The following KIAA2012 variants were observed in gnomAD, a reference collection of about 807,000 sequenced individuals.
KIAA2012 encodes KIAA2012.
KIAA2012 carries 125 observed loss-of-function variants against 150.6 expected under a neutral mutation model. The ratio of observed to expected loss-of-function variants is 0.83; its 90% CI spans 0.72 to 0.96. KIAA2012 has a LOEUF of 0.96. KIAA2012 is among the 40% of genes least tolerant of loss of function. KIAA2012 has a pLI of 0.00. For synonymous variants in KIAA2012, 462 were observed against 504.7 expected (o/e 0.92, Z 1.13); for missense variants, 1,219 against 1,354.9 (o/e 0.90, Z 1.57).
At chr2:202,102,275 T>C (rs1690063844) in intron 7 of KIAA2012, among the ~76,000 whole-genome samples, 2 of 152,214 alleles carry the variant, frequency 1.3e-5, no homozygotes, top group Admixed American at 1.3e-4. Flanking sequence ...TTTTCAGCTA[T>C]GTTCATATTA....
rs1478307074 is a variant in KIAA2012, at chr2:202,093,126, A to G, written c.626A>G (p.Tyr209Cys). ...QQDLSGVPPK[Y>C]HLLPVFPSFW... ...GATCTTTCAGGTGTACCCCCAAAAT[A>G]CCATCTCCTGCCTGTCTTCCCTTCA... is the stretch of plus-strand genomic sequence containing the variant. The change falls in exon 4 of 24, where the codon TAC (tyrosine) becomes TGC (cysteine). Residue 209 changes from tyrosine to cysteine, a missense_variant. Tyr to Cys is a radical substitution (Grantham distance 194). Transcript: ENST00000498697. 1 of 1,550,970 alleles carries G rather than the reference A, an allele frequency of 6.4e-7. No individual in the cohort carries two copies. Among genetic ancestry groups the G allele is most frequent in the Non-Finnish European group, 8.7e-7 (1 of 1,147,100 alleles).
intron 11 of KIAA2012, chr2:202,115,606 T>G (rs1213793286): frequency 6.6e-6 from 1 of 152,210 alleles, no homozygotes; most frequent in Non-Finnish European, 1.5e-5. Flanking sequence ...TCTGTTTAGC[T>G]TCCAATATGA....
chr2:202,155,778 C>G (rs1168607806), intron 14 of KIAA2012, among the ~76,000 whole-genome samples: 1 of 152,216 alleles, frequency 6.6e-6, no homozygotes, highest in Non-Finnish European at 1.5e-5. Flanking sequence ...AATCCCAATT[C>G]TACAAGGTGG....
At chr2:202,108,568 C>T (rs1027890895) in intron 9 of KIAA2012, among the ~76,000 whole-genome samples, 1 of 152,172 alleles carries the variant, frequency 6.6e-6, no homozygotes, top group African/African-American at 2.4e-5. Context: ...AGAAGATGGG[C>T]CAGTTGCTTT....
intron 8 of KIAA2012, among the ~76,000 whole-genome samples, chr2:202,103,593 G>A (rs1045736823): frequency 6.6e-6 from 1 of 152,268 alleles, no homozygotes; most frequent in Admixed American, 6.5e-5. Flanking sequence ...GGCAGCCAAG[G>A]TAAAAAGGAC....
Position 202,138,455 on chromosome 2 carries a change from C to G in KIAA2012, c.1855C>G (p.Leu619Val). 1 of 1,550,656 alleles carries G rather than the reference C, an allele frequency of 6.4e-7. No individual in the cohort carries two copies. Among genetic ancestry groups the G allele is most frequent in the Non-Finnish European group, 8.7e-7 (1 of 1,146,946 alleles). The change falls in exon 13 of 24, where the codon CTT becomes GTT. Residue 619 changes from leucine (L) to valine (V), a missense_variant. Physicochemically the swap from Leu to Val is conservative, Grantham distance 32 (BLOSUM62 1). Coordinates refer to ENST00000498697, the MANE Select transcript of KIAA2012 (RefSeq NM_001277372.4). Reference sequence around the variant, plus strand: ...AGCAAACACTGAACCTAGAGCCAATCTTCACATGAACCTTTATGAAACCTC... The same window carrying G: ...AGCAAACACTGAACCTAGAGCCAATGTTCACATGAACCTTTATGAAACCTC... ...LKANTEPRANLHMNLYETSPL... is the reference protein window; with the variant it reads ...LKANTEPRANVHMNLYETSPL...
rs149638725 is a variant in KIAA2012 at position 202,169,334 on chromosome 2, G to A, written c.2119+3978G>A. On this transcript the variant is annotated intron_variant, in intron 15 of 23. Coordinates refer to ENST00000498697, the MANE Select transcript of KIAA2012 (RefSeq NM_001277372.4). ...CTCACAGTGAAGACTTCAACTGCAG[G>A]CATGATGTTCACTGTGAGGAAACAG... Among the ~76,000 whole-genome samples the A allele has an allele frequency of 7.2e-5, 11 of 152,284 alleles. 1 individual carries two copies. In the East Asian group the frequency reaches 2.1e-3, roughly 29 times the overall value.
chr2:202,128,586 T>C (rs1333788198), intron 12 of KIAA2012, among the ~76,000 whole-genome samples: 1 of 152,130 alleles, frequency 6.6e-6, no homozygotes, highest in Non-Finnish European at 1.5e-5. Context: ...GACTGCAATC[T>C]TTTTAAGGGC....
intron 12 of KIAA2012, among the ~76,000 whole-genome samples, chr2:202,129,821 T>A (rs1389365902): frequency 2.0e-5 from 3 of 151,938 alleles, no homozygotes; most frequent in Non-Finnish European, 2.9e-5. Context: ...ATTTAAAAAA[T>A]AAATAAATAA....
rs1349629753 is a variant in KIAA2012 at position 202,075,293 on chromosome 2, A to G, written c.369+118A>G. 12 of 1,133,002 alleles carry G rather than the reference A, an allele frequency of 1.1e-5. No homozygotes were observed. The East Asian group carries it at 1.8e-4, about 17-fold the overall frequency. The allele number at this position is 1,133,002 out of a possible 1,614,324, so 70.2% of individuals were successfully genotyped here. A position where few individuals can be genotyped will look rare whatever the true frequency, so the allele number is the denominator to read the frequency against. On this transcript the variant is annotated intron_variant, in intron 2 of 23. Coordinates refer to ENST00000498697, the MANE Select transcript of KIAA2012 (RefSeq NM_001277372.4). ...GAAGGTATGAAACTCTCAGAACTCT[A>G]TTTCTTCATCTCTAAAATGAGATTG... is the stretch of plus-strand genomic sequence containing the variant.
At chr2:202,195,142 A>T (rs1216578638) in intron 21 of KIAA2012, among the ~76,000 whole-genome samples, 3 of 152,032 alleles carry the variant, frequency 2.0e-5, no homozygotes, top group African/African-American at 7.3e-5. Flanking sequence ...TTTGGCACAT[A>T]TATGATATGT....
chr2:202,194,088 G>A, intron 20 of KIAA2012, 102 bp from the exon 21 acceptor site: 1 of 1,290,434 alleles, frequency 7.7e-7, no homozygotes, highest in Non-Finnish European at 1.1e-6. Flanking sequence ...CCTGTGGCCT[G>A]TGGGCTGCAG....
intron 5 of KIAA2012, among the ~76,000 whole-genome samples, chr2:202,099,223 C>T (rs1689979731): frequency 6.6e-6 from 1 of 152,086 alleles, no homozygotes; most frequent in African/African-American, 2.4e-5. Flanking sequence ...CTCCTGAGCT[C>T]AAGCAATCCT....
intron 13 of KIAA2012, among the ~76,000 whole-genome samples, chr2:202,153,803 C>T (rs1027617126): frequency 1.3e-5 from 2 of 152,112 alleles, no homozygotes; most frequent in Admixed American, 1.3e-4. Flanking sequence ...GAAAAGACAC[C>T]CAATAAATAT....
intron 15 of KIAA2012, among the ~76,000 whole-genome samples, chr2:202,167,958 AG>A (rs1261661559): frequency 6.6e-6 from 1 of 152,176 alleles, no homozygotes; most frequent in Non-Finnish European, 1.5e-5. Flanking sequence ...TCTGATTCCC[AG>A]GGTTCAAGTT....
rs1689247761 is a variant in KIAA2012 at position 202,073,370 on chromosome 2, A to C, written c.-258A>C. ...AGAAGGGGAGAGACAGGTCGCCCAG[A>C]GAGTAGACAATCCAGGGCTTGAGGA... is the stretch of plus-strand genomic sequence containing the variant. On this transcript the variant is annotated 5_prime_UTR_variant, in exon 1 of 24. Transcript: ENST00000498697. 1 of 396,600 alleles carries C rather than the reference A, an allele frequency of 2.5e-6. No individual in the cohort carries two copies. The highest frequency in any genetic ancestry group is 4.6e-6 in the Non-Finnish European group (1 of 217,910). 24.6% of individuals were successfully genotyped at this position (396,600 alleles called of 1,614,324 possible). A position where few individuals can be genotyped will look rare whatever the true frequency, so the allele number is the denominator to read the frequency against.
chr2:202,184,378 C>T lies in KIAA2012; in HGVS notation c.2120-375C>T, dbSNP rs528919822. ...CAGCCTGGTCAACAGAGCAAGACTCCGTCTCAAAAAAAAAAAAAAAAAGTA... is the reference window on the plus strand; with the variant it reads ...CAGCCTGGTCAACAGAGCAAGACTCTGTCTCAAAAAAAAAAAAAAAAAGTA... On this transcript the variant is annotated intron_variant, in intron 15 of 23. Transcript: ENST00000498697. 1.9e-3 allele frequency among the ~76,000 whole-genome samples: 219 copies of T among 115,840 alleles called. 2 individuals carry two copies. Among genetic ancestry groups the T allele is most frequent in the African/African-American group, 7.1e-3 (209 of 29,598 alleles). The allele number at this position is 115,840 out of a possible 152,430, so 76.0% of individuals were successfully genotyped here.
chr2:202,080,185 A>G (rs114913758), intron 2 of KIAA2012, among the ~76,000 whole-genome samples: 6 of 152,202 alleles, frequency 3.9e-5, no homozygotes, highest in African/African-American at 1.4e-4. Context: ...CAGCTTTAAC[A>G]GTATGTTTAA....
At chr2:202,113,853 C>A (rs1366311252) in intron 11 of KIAA2012, 1 of 158,786 alleles carries the variant, frequency 6.3e-6, no homozygotes, top group African/African-American at 2.4e-5. Flanking sequence ...TACATTGGTT[C>A]ATCCCTGTGA....
Sources: allele counts gnomAD v4.1 joint callset (sites outside exome capture counted in the v4.1 genomes callset), GRCh38; gene constraint gnomAD v4.1.1; transcripts MANE v1.5; gene names NCBI Gene and HGNC (gene_info 2026-07-23, HGNC 2026-07-21).